The following GLG1 variants were observed in gnomAD, a reference collection of about 807,000 sequenced individuals.
The protein encoded by GLG1 is Golgi apparatus protein 1.
Under a neutral mutation model 160.5 loss-of-function variants are expected in GLG1, and 38 were observed. The ratio of observed to expected loss-of-function variants is 0.24; its 90% CI spans 0.18 to 0.31. The LOEUF is 0.31. Among genes scored for constraint, GLG1 ranks in the 10% least tolerant of loss-of-function variants. GLG1 has a pLI of 1.00. For synonymous variants in GLG1, 644 were observed against 543.4 expected (o/e 1.19, Z -2.57); for missense variants, 1,373 against 1,505.2 (o/e 0.91, Z 1.45).
intron 2 of GLG1, among the ~76,000 whole-genome samples, chr16:74,509,664 A>C (rs947990876): frequency 5.3e-5 from 8 of 152,000 alleles, no homozygotes; most frequent in South Asian, 4.2e-4. Context: ...CCTGGCTAAC[A>C]CAGTGAAACC....
chr16:74,529,817 T>TG lies in GLG1; in HGVS notation c.471+2303_471+2304insC, dbSNP rs1448777839. On this transcript the variant is annotated intron_variant, in intron 2 of 25. Coordinates refer to ENST00000422840, the MANE Select transcript of GLG1 (RefSeq NM_001145667.2). ...TCCTTGGCTCTTTGAGAGTTCTTTT[T>TG]TTTTTTTTTTTTTTTTTGTGACGGA... is the stretch of plus-strand genomic sequence containing the variant. 3.3e-3 allele frequency among the ~76,000 whole-genome samples: 442 copies of TG among 135,324 alleles called. 3 individuals carry two copies. Among genetic ancestry groups the TG allele is most frequent in the African/African-American group, 0.012 (424 of 35,730 alleles). 88.8% of individuals were successfully genotyped at this position (135,324 alleles called of 152,430 possible).
intron 2 of GLG1, among the ~76,000 whole-genome samples, chr16:74,529,661 TA>T (rs2017462670): frequency 6.6e-6 from 1 of 152,088 alleles, no homozygotes; most frequent in South Asian, 2.1e-4. Flanking sequence ...ATGGCTATAT[TA>T]TAGAATTTCT....
chr16:74,485,201 C>A (rs2015747957), intron 9 of GLG1, among the ~76,000 whole-genome samples: 1 of 152,196 alleles, frequency 6.6e-6, no homozygotes, highest in African/African-American at 2.4e-5. Context: ...GCTACTGCAT[C>A]CGGCCATGGT....
At position 74,589,209 on chromosome 16, in the gene GLG1, T is replaced by G. The variant is rs149072547; in HGVS notation, c.438+17448A>C. 3.3e-3 allele frequency among the ~76,000 whole-genome samples: 497 copies of G among 151,398 alleles called. 17 individuals carry two copies. The East Asian group carries it at 0.083, about 25-fold the overall frequency. On this transcript the variant is annotated intron_variant, in intron 1 of 25. Coordinates refer to ENST00000422840, the MANE Select transcript of GLG1 (RefSeq NM_001145667.2). ...GGCAGAGGTTGCAGTGAGCCAAGATTGCGCCACTGCACTCCAGCCTGGGTG... is the reference window on the plus strand; with the variant it reads ...GGCAGAGGTTGCAGTGAGCCAAGATGGCGCCACTGCACTCCAGCCTGGGTG...
intron 19 of GLG1, among the ~76,000 whole-genome samples, chr16:74,464,318 C>T (rs1482943133): frequency 6.6e-6 from 1 of 152,198 alleles, no homozygotes; most frequent in Non-Finnish European, 1.5e-5. Flanking sequence ...CTCCACTAAC[C>T]AATGTGAACA....
chr16:74,477,431 C>T lies in GLG1; in HGVS notation c.1930G>A (p.Gly644Arg). Residue 644 changes from glycine to arginine, a missense_variant, in exon 12 of 26, where the codon GGA (glycine) becomes AGA (arginine). Gly to Arg is a moderately radical substitution (Grantham distance 125). Coordinates refer to ENST00000422840, the MANE Select transcript of GLG1 (RefSeq NM_001145667.2). ...ALQDKCLIDL[G>R]KWCSEKTETG... is the part of the protein sequence containing the mutation. ...TCTGTTTTCTCACTGCACCATTTTC[C>T]CAGATCAATCAGGCACTTATCCTGG... is the stretch of plus-strand genomic sequence containing the variant. 1.2e-6 allele frequency: 2 copies of T among 1,612,828 alleles called. No homozygotes were observed. Among genetic ancestry groups the T allele is most frequent in the Non-Finnish European group, 1.7e-6 (2 of 1,178,848 alleles).
rs747643506 is a variant in GLG1 at position 74,606,705 on chromosome 16, G to A, written c.390C>T (p.Thr130=). ...EDVTRVCPKH[T]WSNNLAVLEC... Reference sequence around the variant, plus strand: ...CGAGCACCGCCAGGTTGTTGCTCCAGGTGTGCTTAGGGCACACGCGGGTCA... The same window carrying A: ...CGAGCACCGCCAGGTTGTTGCTCCAAGTGTGCTTAGGGCACACGCGGGTCA... The change falls in exon 1 of 26, where the codon ACC becomes ACT. Residue 130 remains threonine (T), a synonymous_variant. Coordinates refer to ENST00000422840, the MANE Select transcript of GLG1 (RefSeq NM_001145667.2). The A allele has an allele frequency of 2.5e-6, 4 of 1,608,780 alleles. No homozygotes were observed. Among genetic ancestry groups the A allele is most frequent in the East Asian group, 4.5e-5 (2 of 44,650 alleles).
At chr16:74,547,759 C>T (rs2018088877) in intron 1 of GLG1, among the ~76,000 whole-genome samples, 1 of 152,234 alleles carries the variant, frequency 6.6e-6, no homozygotes. Flanking sequence ...AGCATAATCA[C>T]CAACTCACAA....
chr16:74,481,608 G>A (rs1257303378), intron 10 of GLG1, among the ~76,000 whole-genome samples: 1 of 152,142 alleles, frequency 6.6e-6, no homozygotes, highest in Non-Finnish European at 1.5e-5. Context: ...GTCCTTTCCA[G>A]AGCTAATCTG....
At position 74,496,094 on chromosome 16, in the gene GLG1, T is replaced by A. The variant is rs1301478316; in HGVS notation, c.978+347A>T. Among the ~76,000 whole-genome samples the A allele has an allele frequency of 3.3e-5, 5 of 152,084 alleles. No homozygotes were observed. In the East Asian group the frequency reaches 7.7e-4, roughly 23 times the overall value. On this transcript the variant is annotated intron_variant, in intron 5 of 25. Transcript: ENST00000422840. ...GTCCGGGCAATACAGCAATGCCCCA[T>A]CTCTACAAAAAATTTTTAAAAAAAT... is the stretch of plus-strand genomic sequence containing the variant.
chr16:74,535,898 T>G (rs1319969502), intron 1 of GLG1, among the ~76,000 whole-genome samples: 11 of 152,220 alleles, frequency 7.2e-5, no homozygotes, highest in African/African-American at 2.6e-4. Context: ...TTAGAGGGGT[T>G]TTTAGAATCC....
chr16:74,589,103 A>G (rs1467447626), intron 1 of GLG1, among the ~76,000 whole-genome samples: 1 of 151,622 alleles, frequency 6.6e-6, no homozygotes, highest in Non-Finnish European at 1.5e-5. Flanking sequence ...CAACAACAAA[A>G]AATTAGACGG....
chr16:74,552,527 C>T (rs2018231159), intron 1 of GLG1: 1 of 380,576 alleles, frequency 2.6e-6, no homozygotes, highest in South Asian at 2.1e-5. Context: ...CTGTGCCTTC[C>T]ACCCTATACC....
At chr16:74,583,133 C>T (rs1957974431) in intron 1 of GLG1, among the ~76,000 whole-genome samples, 1 of 152,140 alleles carries the variant, frequency 6.6e-6, no homozygotes, top group Non-Finnish European at 1.5e-5. Flanking sequence ...CCCTTCATCG[C>T]AAGCTGTCCC....
At chr16:74,484,292 A>AGAATGG (rs914963771) in intron 9 of GLG1, among the ~76,000 whole-genome samples, 24 of 152,112 alleles carry the variant, frequency 1.6e-4, no homozygotes, top group African/African-American at 5.6e-4. Context: ...AGATTTTTGC[A>AGAATGG]GAATGGGAAA....
intron 19 of GLG1, among the ~76,000 whole-genome samples, chr16:74,464,264 C>T (rs2014918809): frequency 6.6e-6 from 1 of 152,158 alleles, no homozygotes; most frequent in African/African-American, 2.4e-5. Context: ...CTGTACAGCC[C>T]TCAAGCCCTA....
intron 1 of GLG1, among the ~76,000 whole-genome samples, chr16:74,577,458 A>C (rs1173897411): frequency 6.7e-6 from 1 of 149,854 alleles, no homozygotes; most frequent in Non-Finnish European, 1.5e-5. Context: ...GGAGGCAGAA[A>C]GTGCAGTGAA....
intron 12 of GLG1, among the ~76,000 whole-genome samples, chr16:74,476,139 G>A (rs1227999862): frequency 6.6e-6 from 1 of 151,932 alleles, no homozygotes; most frequent in African/African-American, 2.4e-5. Flanking sequence ...CCGAGATCGT[G>A]CCACTGCACT....
At chr16:74,535,920 G>C (rs2017674686) in intron 1 of GLG1, among the ~76,000 whole-genome samples, 1 of 152,054 alleles carries the variant, frequency 6.6e-6, no homozygotes, top group African/African-American at 2.4e-5. Flanking sequence ...AGAACACAGT[G>C]GTGATTTAGA....
Sources: allele counts gnomAD v4.1 joint callset (sites outside exome capture counted in the v4.1 genomes callset), GRCh38; gene constraint gnomAD v4.1.1; transcripts MANE v1.5; gene names NCBI Gene and HGNC (gene_info 2026-07-23, HGNC 2026-07-21).